Variants in DLGAP2 observed in about 807,000 individuals in gnomAD.
DLGAP2 encodes the protein DLG associated protein 2.
Under a neutral mutation model 100.3 loss-of-function variants are expected in DLGAP2, and 26 were observed. That is an observed-to-expected ratio of 0.26 (90% CI 0.19 to 0.36). DLGAP2 has a LOEUF of 0.36. Ranked by LOEUF, DLGAP2 falls within the 10% of genes least tolerant of loss-of-function variation. DLGAP2 has a pLI of 1.00. For missense variants in DLGAP2, 1,858 were observed against 1,453.2 expected, an observed-to-expected ratio of 1.28 and a Z score of -4.53; for synonymous variants, 886 against 630.1, an observed-to-expected ratio of 1.41 and a Z score of -6.08.
chr8:1,180,037 A>G (rs1797346092), intron 2 of DLGAP2, among the ~76,000 whole-genome samples: 1 of 152,212 alleles, frequency 6.6e-6, no homozygotes, highest in Non-Finnish European at 1.5e-5. Flanking sequence ...TTTTATTTGA[A>G]TGGAGAAGCA....
At chr8:1,315,109 TA>T (rs1441924479) in intron 3 of DLGAP2, among the ~76,000 whole-genome samples, 1 of 152,208 alleles carries the variant, frequency 6.6e-6, no homozygotes, top group Non-Finnish European at 1.5e-5. Flanking sequence ...CATAGAACCG[TA>T]TTTAGTAAGT....
At chr8:1,619,754 G>A (rs2957090) in intron 6 of DLGAP2, 33,543 of 152,114 alleles carry the variant, frequency 0.22, 4,554 homozygotes, top group East Asian at 0.46. Flanking sequence ...CTCATTGTAC[G>A]TTGCATAGAT....
chr8:1,382,935 G>C (rs1316797641), intron 3 of DLGAP2, among the ~76,000 whole-genome samples: 1 of 152,188 alleles, frequency 6.6e-6, no homozygotes, highest in Non-Finnish European at 1.5e-5. Context: ...GTGTGTGTGT[G>C]TGTAGAGAGA....
chr8:918,730 T>G (rs1465063435), intron 2 of DLGAP2, among the ~76,000 whole-genome samples: 1 of 152,210 alleles, frequency 6.6e-6, no homozygotes, highest in East Asian at 1.9e-4. Context: ...TGTTGTTCCA[T>G]CCTTTTCTTT....
intron 1 of DLGAP2, among the ~76,000 whole-genome samples, chr8:743,308 A>T (rs530235886): frequency 1.3e-5 from 2 of 152,152 alleles, no homozygotes; most frequent in Non-Finnish European, 2.9e-5. Context: ...GCCATGTTCA[A>T]CCTGAGGATC....
intron 2 of DLGAP2, among the ~76,000 whole-genome samples, chr8:944,225 C>G (rs1408275131): frequency 1.3e-5 from 2 of 152,096 alleles, no homozygotes; most frequent in Non-Finnish European, 2.9e-5. Flanking sequence ...GGTAACCAGT[C>G]CCTGTGGGTG....
intron 3 of DLGAP2, chr8:1,301,701 G>A (rs1800345974): frequency 6.6e-6 from 1 of 152,204 alleles, no homozygotes; most frequent in East Asian, 1.9e-4. Context: ...AGGTTGGGAT[G>A]AGTCCTGCAG....
chr8:941,410 A>T (rs934616385), intron 2 of DLGAP2, among the ~76,000 whole-genome samples: 3 of 152,208 alleles, frequency 2.0e-5, no homozygotes, highest in African/African-American at 7.2e-5. Flanking sequence ...TTGTCAGCCA[A>T]GGGTCTGTGT....
intron 2 of DLGAP2, among the ~76,000 whole-genome samples, chr8:1,075,453 G>A (rs1447326629): frequency 6.6e-6 from 1 of 152,072 alleles, no homozygotes; most frequent in Non-Finnish European, 1.5e-5. Context: ...TGGGTCTCTG[G>A]GGTGCCTGTG....
intron 1 of DLGAP2, among the ~76,000 whole-genome samples, chr8:903,801 C>T (rs916749443): frequency 1.3e-5 from 2 of 152,318 alleles, no homozygotes; most frequent in Non-Finnish European, 2.9e-5. Flanking sequence ...TGGGGGAAAC[C>T]AAGTCGGCAC....
chr8:1,323,888 C>T (rs756659866), intron 3 of DLGAP2, among the ~76,000 whole-genome samples: 28 of 152,164 alleles, frequency 1.8e-4, no homozygotes, highest in Non-Finnish European at 1.2e-4. Flanking sequence ...TCATGGATCA[C>T]GTTTCCTAAT....
intron 1 of DLGAP2, among the ~76,000 whole-genome samples, chr8:848,334 GTGTT>G: frequency 6.7e-6 from 1 of 150,322 alleles, no homozygotes; most frequent in Non-Finnish European, 1.5e-5. Flanking sequence ...CGTGCGGTGC[GTGTT>G]CCAGTATAGG....
At chr8:1,666,632 A>G (rs1205391691) in intron 8 of DLGAP2, among the ~76,000 whole-genome samples, 2 of 151,808 alleles carry the variant, frequency 1.3e-5, no homozygotes, top group African/African-American at 2.4e-5. Context: ...GTGAGCTCAG[A>G]TCGCCCCACT....
intron 1 of DLGAP2, among the ~76,000 whole-genome samples, chr8:779,307 T>C (rs1389136537): frequency 1.3e-5 from 2 of 152,214 alleles, no homozygotes; most frequent in Admixed American, 1.3e-4. Context: ...TCTTCTGCCT[T>C]GCTCATGCTG....
intron 3 of DLGAP2, among the ~76,000 whole-genome samples, chr8:1,360,026 C>G (rs960554391): frequency 1.3e-5 from 2 of 152,164 alleles, no homozygotes; most frequent in Non-Finnish European, 2.9e-5. Context: ...CAAAGAAGAA[C>G]AGGACCATCG....
chr8:1,315,539 G>C (rs1420065762), intron 3 of DLGAP2, among the ~76,000 whole-genome samples: 1 of 147,834 alleles, frequency 6.8e-6, no homozygotes, highest in Non-Finnish European at 1.5e-5. Context: ...GTCTACACTC[G>C]AGAAACTCGG....
chr8:780,685 T>G (rs1821659191), intron 1 of DLGAP2, among the ~76,000 whole-genome samples: 1 of 152,244 alleles, frequency 6.6e-6, no homozygotes, highest in African/African-American at 2.4e-5. Context: ...TAGCTCAGTC[T>G]GCAGGGCAGG....
intron 3 of DLGAP2, among the ~76,000 whole-genome samples, chr8:1,384,066 G>A (rs546279846): frequency 1.4e-4 from 21 of 152,320 alleles, no homozygotes; most frequent in African/African-American, 5.1e-4. Context: ...CAGACGTTGG[G>A]AAACAGTATA....
At chr8:933,099 C>T (rs1007644743) in intron 2 of DLGAP2, among the ~76,000 whole-genome samples, 2 of 152,244 alleles carry the variant, frequency 1.3e-5, no homozygotes, top group Admixed American at 1.3e-4. Flanking sequence ...CCGTCCGTTC[C>T]TGCAGAACCC....
Sources: allele counts gnomAD v4.1 joint callset (sites outside exome capture counted in the v4.1 genomes callset), GRCh38; gene constraint gnomAD v4.1.1; transcripts MANE v1.5; gene names NCBI Gene and HGNC (gene_info 2026-07-23, HGNC 2026-07-21).